PRDM15: variants seen among roughly 807,000 people sequenced by gnomAD.
The protein encoded by PRDM15 is PR domain zinc finger protein 15.
In PRDM15, 64 loss-of-function variants were observed where a neutral mutation model predicts 128.6. That is an observed-to-expected ratio of 0.50 (90% confidence interval 0.41 to 0.61). The LOEUF is 0.61. PRDM15 is among the 20% of genes least tolerant of loss of function. The probability of loss-of-function intolerance (pLI) is 0.00; values close to 1 mark genes in which losing one functional copy is unlikely to be tolerated. For synonymous variants in PRDM15, 615 were observed against 621.8 expected, an observed-to-expected ratio of 0.99 and a Z score of 0.16; for missense variants, 1,242 against 1,569.1, an observed-to-expected ratio of 0.79 and a Z score of 3.52.
Position 41,801,299 on chromosome 21 carries a change from G to C in PRDM15, c.3367C>G (p.Gln1123Glu). Residue 1123 changes from glutamine (Q) to glutamate (E), a missense_variant, in exon 24 of 24, where the codon CAG (glutamine) becomes GAG (glutamate). Physicochemically the swap from Gln to Glu is conservative, Grantham distance 29 (BLOSUM62 2). This residue lies in a region of PRDM15 where 602 missense variants were observed against 788.3 expected (regional missense o/e 0.76). Transcript: ENST00000398548. ...GCCTGCACCTGGGGCTGGGCCGCCT[G>C]CTGTGGGGGTGCCTGCGGCTGCGAG... ...PPSQPQAPPQ[Q>E]AAQPQVQAEQ... 1 of 1,566,924 alleles carries C rather than the reference G, an allele frequency of 6.4e-7. No homozygotes were observed. The highest frequency in any genetic ancestry group is 8.7e-7 in the Non-Finnish European group (1 of 1,154,480).
At chr21:41,825,914 T>C (rs779224925) in intron 13 of PRDM15, 46 bp downstream of exon 13, 1 of 1,397,418 alleles carries the variant, frequency 7.2e-7, no homozygotes, top group Non-Finnish European at 1.0e-6. Flanking sequence ...CTGAAGAAAA[T>C]GATGTGCTTT....
At chr21:41,878,997 CGGCG>C (rs1310261471) in intron 1 of PRDM15, 1 of 1,005,960 alleles carries the variant, frequency 9.9e-7, no homozygotes, top group Non-Finnish European at 1.2e-6. Flanking sequence ...CGGCGGGACC[CGGCG>C]GGCGGGCGGC....
At chr21:41,873,548 TTCTGTGACCTG>T (rs2064291002) in intron 1 of PRDM15, among the ~76,000 whole-genome samples, 1 of 152,192 alleles carries the variant, frequency 6.6e-6, no homozygotes, top group African/African-American at 2.4e-5. Context: ...TGACCTGAAA[TTCTGTGACCTG>T]CTTTGATGCT....
At chr21:41,830,197 TAC>T (rs1163089531) in intron 11 of PRDM15, among the ~76,000 whole-genome samples, 6 of 134,394 alleles carry the variant, frequency 4.5e-5, no homozygotes, top group Non-Finnish European at 3.2e-5. Context: ...CCAACACAAA[TAC>T]ACACATTCAA....
chr21:41,804,967 G>T (rs1274229280), intron 21 of PRDM15, among the ~76,000 whole-genome samples: 1 of 152,238 alleles, frequency 6.6e-6, no homozygotes, highest in Non-Finnish European at 1.5e-5. Flanking sequence ...GCAAGGTAAA[G>T]ATACAGTAGA....
chr21:41,864,558 G>C (rs556387448), intron 1 of PRDM15, among the ~76,000 whole-genome samples: 3 of 152,080 alleles, frequency 2.0e-5, no homozygotes, highest in Non-Finnish European at 4.4e-5. Context: ...AGTTGTCAGA[G>C]AGACCTGGAA....
chr21:41,849,978 C>A (rs1159515146), intron 5 of PRDM15, among the ~76,000 whole-genome samples: 6 of 152,094 alleles, frequency 3.9e-5, no homozygotes, highest in Non-Finnish European at 5.9e-5. Flanking sequence ...CTAGAAAATG[C>A]GAATCAAATG....
chr21:41,820,741 A>C (rs1172623278), intron 16 of PRDM15, among the ~76,000 whole-genome samples: 1 of 152,242 alleles, frequency 6.6e-6, no homozygotes, highest in African/African-American at 2.4e-5. Context: ...CCTGTATGTC[A>C]GATGTGGCCT....
Position 41,828,082 on chromosome 21 carries a change from C to T in PRDM15, c.1534+84G>A. On this transcript the variant is annotated intron_variant, in intron 12 of 23. Coordinates refer to ENST00000398548, the MANE Select transcript of PRDM15 (RefSeq NM_001040424.3). This position sits in a 1 kb window ranked among gnomAD's most constrained non-coding sequence, Gnocchi z 5.7. Reference sequence around the variant, plus strand: ...GCGGCACCGAACTGCTCCCCAAAGGCCCTGCTGACTGCTCCATGCCGCCCT... The same window carrying T: ...GCGGCACCGAACTGCTCCCCAAAGGTCCTGCTGACTGCTCCATGCCGCCCT... 6.9e-7 allele frequency: 1 copy of T among 1,451,312 alleles called. No homozygotes were observed. Among genetic ancestry groups the T allele is most frequent in the Non-Finnish European group, 9.6e-7 (1 of 1,046,782 alleles). 89.9% of individuals were successfully genotyped at this position (1,451,312 alleles called of 1,614,324 possible).
At chr21:41,864,950 C>G (rs7281720) in intron 1 of PRDM15, among the ~76,000 whole-genome samples, 109,607 of 148,050 alleles carry the variant, frequency 0.74, 40,696 homozygotes, top group African/African-American at 0.8. Context: ...CTGGGCCTTT[C>G]CACATGCTCG....
chr21:41,856,326 G>C (rs113786336), intron 4 of PRDM15, among the ~76,000 whole-genome samples: 1,406 of 130,454 alleles, frequency 0.011, 48 homozygotes, highest in African/African-American at 0.04. Flanking sequence ...AACAAATCAA[G>C]TGCCTTTCCT....
At chr21:41,835,408 C>G (rs759928021) in intron 11 of PRDM15, 29 bp downstream of exon 11, 2 of 1,583,870 alleles carry the variant, frequency 1.3e-6, no homozygotes, top group Non-Finnish European at 1.7e-6. Context: ...CGCACAGCGG[C>G]CGAGGGGAGA....
intron 5 of PRDM15, among the ~76,000 whole-genome samples, chr21:41,853,990 G>C (rs2063503344): frequency 6.6e-6 from 1 of 152,162 alleles, no homozygotes; most frequent in South Asian, 2.1e-4. Context: ...TAGGAGGATG[G>C]GTCACTCACT....
chr21:41,859,687 T>C lies in PRDM15; in HGVS notation c.38-2A>G, dbSNP rs776127661. ...GGTACTGGCTGCAGTCTTCACACCC[T>C]GCAAGCAGACATCCGGGCATTAGAG... On this transcript the variant is annotated splice_acceptor_variant, in intron 2 of 23. Coordinates refer to ENST00000398548, the MANE Select transcript of PRDM15 (RefSeq NM_001040424.3). LOFTEE classifies it high-confidence loss of function. The surrounding 1 kb of genome is among the most constrained non-coding windows in gnomAD (Gnocchi z 5.3). 1 of 1,613,294 alleles carries C rather than the reference T, an allele frequency of 6.2e-7. No homozygotes were observed. The highest frequency in any genetic ancestry group is 1.1e-5 in the South Asian group (1 of 90,990).
intron 3 of PRDM15, among the ~76,000 whole-genome samples, chr21:41,857,628 G>C (rs747869227): frequency 4.5e-4 from 69 of 152,156 alleles, no homozygotes; most frequent in Non-Finnish European, 6.2e-4. Flanking sequence ...GGACATGGTG[G>C]CATGTGCCTG....
At chr21:41,815,878 C>G in intron 18 of PRDM15, 42 bp from the exon 19 acceptor site, 2 of 1,606,080 alleles carry the variant, frequency 1.2e-6, no homozygotes, top group Non-Finnish European at 8.5e-7. Context: ...CACCCCCACG[C>G]AGCCCACCTG....
intron 12 of PRDM15, among the ~76,000 whole-genome samples, chr21:41,827,318 T>C (rs530256968): frequency 5.3e-5 from 8 of 152,338 alleles, no homozygotes; most frequent in South Asian, 4.1e-4. Context: ...CGAAGGCACA[T>C]GCGTATGCCT....
At chr21:41,835,706 AG>A (rs2062850985) in intron 10 of PRDM15, among the ~76,000 whole-genome samples, 182 bp from the exon 11 acceptor site, 1 of 152,294 alleles carries the variant, frequency 6.6e-6, no homozygotes, top group Non-Finnish European at 1.5e-5. Flanking sequence ...TGCCCTAGAA[AG>A]GGAACTCCAC....
chr21:41,862,885 T>C lies in PRDM15; in HGVS notation c.-9-2513A>G, dbSNP rs1465663935. On this transcript the variant is annotated intron_variant, in intron 1 of 23. Transcript: ENST00000398548. The surrounding 1 kb of genome is among the most constrained non-coding windows in gnomAD (Gnocchi z 4.1). ...GGAAAAAAGAACTAGAAGTTCGAGA[T>C]CCTGGGCAGGCGTGTGGCTCACGTC... Among the ~76,000 whole-genome samples, 1 of 152,108 alleles carries C rather than the reference T, an allele frequency of 6.6e-6. No individual in the cohort carries two copies. Among genetic ancestry groups the C allele is most frequent in the African/African-American group, 2.4e-5 (1 of 41,426 alleles).
Sources: gnomAD v4.1 joint callset for allele counts (sites outside exome capture counted in the v4.1 genomes callset) on GRCh38, gnomAD v4.1.1 for gene constraint, gnomAD v4.1.1 regional missense constraint, Gnocchi (gnomAD v3.1) non-coding constraint, MANE v1.5 for transcripts, NCBI Gene and HGNC (gene_info 2026-07-23, HGNC 2026-07-21) for gene names.